Variants in DLEU7 observed in about 807,000 individuals in gnomAD.
DLEU7 encodes deleted in lymphocytic leukemia 7.
DLEU7 carries 17 observed loss-of-function variants against 16.0 expected under a neutral mutation model. The observed-to-expected ratio is 1.06, with a 90% CI of 0.73 to 1.59. DLEU7 has a LOEUF of 1.59. Ranked by LOEUF, DLEU7 falls within the 40% of genes most tolerant of loss-of-function variation. The probability of loss-of-function intolerance (pLI) is 0.00; values close to 1 mark genes in which losing one functional copy is unlikely to be tolerated. For missense variants in DLEU7, 308 were observed against 314.9 expected (o/e 0.98, Z 0.17); for synonymous variants, 113 against 139.8 (o/e 0.81, Z 1.35).
intron 1 of DLEU7, among the ~76,000 whole-genome samples, chr13:50,721,319 G>A (rs577212761): frequency 2.8e-4 from 43 of 152,314 alleles, no homozygotes; most frequent in Middle Eastern, 3.4e-3. Context: ...TTTTGGGACT[G>A]GGACTGGTTT....
rs1367309849 is a variant in DLEU7, at chr13:50,723,864, C to CAT, written c.460-10626_460-10625dup. On this transcript the variant is annotated intron_variant, in intron 1 of 1. Coordinates refer to the DLEU7 transcript ENST00000400393. ...AAAAATATATATATGTACACACACA[C>CAT]ATATATATATATAATTTATATTCAT... Among the ~76,000 whole-genome samples, 410 of 151,090 alleles carry CAT rather than the reference C, an allele frequency of 2.7e-3. 1 individual carries two copies. The highest frequency in any genetic ancestry group is 9.4e-3 in the African/African-American group (387 of 41,250).
chr13:50,722,564 C>T (rs984354634), intron 1 of DLEU7, among the ~76,000 whole-genome samples: 4 of 152,110 alleles, frequency 2.6e-5, no homozygotes, highest in Non-Finnish European at 4.4e-5. Context: ...ACAAGGAATA[C>T]GCTATTGCAG....
At chr13:50,832,189 G>A (rs1344061900) in intron 1 of DLEU7, among the ~76,000 whole-genome samples, 4 of 152,156 alleles carry the variant, frequency 2.6e-5, no homozygotes, top group South Asian at 2.1e-4. Context: ...TCAGGGATTC[G>A]ACTTCTTCAT....
At chr13:50,730,358 G>C (rs1217367200) in intron 1 of DLEU7, among the ~76,000 whole-genome samples, 2 of 152,042 alleles carry the variant, frequency 1.3e-5, no homozygotes, top group Non-Finnish European at 1.5e-5. Flanking sequence ...AAGAGAAAGA[G>C]TATTTAAAAC....
intron 1 of DLEU7, among the ~76,000 whole-genome samples, chr13:50,772,188 C>T (rs1875336750): frequency 6.6e-6 from 1 of 152,176 alleles, no homozygotes; most frequent in Non-Finnish European, 1.5e-5. Flanking sequence ...CTCCTAAATA[C>T]AGCACACTGA....
chr13:50,769,941 T>C (rs530076109), intron 1 of DLEU7, among the ~76,000 whole-genome samples: 5 of 152,366 alleles, frequency 3.3e-5, no homozygotes, highest in Non-Finnish European at 7.3e-5. Flanking sequence ...TTCCATTTGT[T>C]TGTGTCCTCT....
chr13:50,786,855 C>G (rs1358004933), intron 1 of DLEU7, among the ~76,000 whole-genome samples: 1 of 152,054 alleles, frequency 6.6e-6, no homozygotes, highest in Admixed American at 6.5e-5. Flanking sequence ...TAGATATAAT[C>G]TGGGTAATGT....
At chr13:50,747,332 CTGTGTGTGTGTGTG>C (rs3039979) in intron 1 of DLEU7, among the ~76,000 whole-genome samples, 4 of 137,706 alleles carry the variant, frequency 2.9e-5, no homozygotes, top group African/African-American at 8.1e-5. Flanking sequence ...AAGAAAAACT[CTGTGTGTGTGTGTG>C]TGTGTGTGTG....
At chr13:50,733,552 GCTTCT>G (rs1266662499) in intron 1 of DLEU7, among the ~76,000 whole-genome samples, 10 of 151,930 alleles carry the variant, frequency 6.6e-5, no homozygotes, top group African/African-American at 2.4e-4. Flanking sequence ...CTCCCCACCA[GCTTCT>G]CCCCACTCGT....
chr13:50,781,971 C>T (rs7328523), intron 1 of DLEU7, among the ~76,000 whole-genome samples: 2,545 of 152,228 alleles, frequency 0.017, 76 homozygotes, highest in African/African-American at 0.058. Flanking sequence ...TTAGTATGTC[C>T]TTCTCCATAT....
At chr13:50,716,463 T>C (rs548104438) in intron 1 of DLEU7, among the ~76,000 whole-genome samples, 17 of 152,378 alleles carry the variant, frequency 1.1e-4, no homozygotes, top group African/African-American at 3.8e-4. Context: ...AAGAGTACTT[T>C]GACTGATCGA....
At chr13:50,793,460 A>G (rs953245894) in intron 1 of DLEU7, among the ~76,000 whole-genome samples, 2 of 152,204 alleles carry the variant, frequency 1.3e-5, no homozygotes, top group African/African-American at 2.4e-5. Context: ...ACTAATTTAC[A>G]TTCTGACCAA....
intron 1 of DLEU7, among the ~76,000 whole-genome samples, chr13:50,773,603 T>G (rs1875396198): frequency 6.8e-6 from 1 of 147,174 alleles, no homozygotes. Flanking sequence ...CAGCAGAGGC[T>G]GCAGAACAGC....
chr13:50,718,568 A>G (rs1028806276), intron 1 of DLEU7, among the ~76,000 whole-genome samples: 1 of 152,194 alleles, frequency 6.6e-6, no homozygotes, highest in Non-Finnish European at 1.5e-5. Context: ...ACGGGATTGC[A>G]TGTTTTCTGA....
intron 1 of DLEU7, among the ~76,000 whole-genome samples, chr13:50,718,360 T>C (rs1873496555): frequency 6.6e-6 from 1 of 152,008 alleles, no homozygotes; most frequent in African/African-American, 2.4e-5. Context: ...AAGAAGGAAA[T>C]AGAAGAAAAA....
intron 1 of DLEU7, among the ~76,000 whole-genome samples, chr13:50,817,321 C>T (rs1876763053): frequency 6.6e-6 from 1 of 152,192 alleles, no homozygotes; most frequent in Admixed American, 6.5e-5. Flanking sequence ...CTTCAAATAC[C>T]ATTTCTATTG....
At chr13:50,777,442 C>T (rs1875536019) in intron 1 of DLEU7, among the ~76,000 whole-genome samples, 2 of 152,198 alleles carry the variant, frequency 1.3e-5, no homozygotes, top group South Asian at 4.1e-4. Context: ...TGTATGCTTC[C>T]TGCCCTTGAA....
At chr13:50,800,915 A>G (rs1331531692) in intron 1 of DLEU7, among the ~76,000 whole-genome samples, 2 of 152,186 alleles carry the variant, frequency 1.3e-5, no homozygotes, top group African/African-American at 4.8e-5. Context: ...CTTCCCTCAC[A>G]CTTTATGTTT....
chr13:50,814,520 C>G (rs1276368817), intron 1 of DLEU7, among the ~76,000 whole-genome samples: 3 of 151,560 alleles, frequency 2.0e-5, no homozygotes, highest in African/African-American at 7.3e-5. Flanking sequence ...TGGATAGTTA[C>G]AATCCAATTG....
Sources: gnomAD v4.1 joint callset for allele counts (sites outside exome capture counted in the v4.1 genomes callset) on GRCh38, gnomAD v4.1.1 for gene constraint, MANE v1.5 for transcripts, NCBI Gene and HGNC (gene_info 2026-07-23, HGNC 2026-07-21) for gene names.